ERC2: variants seen among roughly 807,000 people sequenced by gnomAD.
ERC2 encodes ELKS/RAB6-interacting/CAST family member 2, also known as ERC protein 2.
In ERC2, 42 loss-of-function variants were observed where a neutral mutation model predicts 114.8. The ratio of observed to expected loss-of-function variants is 0.37; its 90% CI spans 0.29 to 0.47. The LOEUF is 0.47. ERC2 is among the 20% of genes least tolerant of loss of function. The pLI, the probability that ERC2 is intolerant of heterozygous loss-of-function variation, is 0.99. For missense variants in ERC2, 939 were observed against 1,150.7 expected (o/e 0.82, Z 2.66); for synonymous variants, 454 against 425.5 (o/e 1.07, Z -0.82).
At chr3:55,732,670 T>C (rs1483886970) in intron 15 of ERC2, among the ~76,000 whole-genome samples, 3 of 152,158 alleles carry the variant, frequency 2.0e-5, no homozygotes, top group Admixed American at 6.5e-5. Flanking sequence ...AGGAGCAAAG[T>C]ATCTAAGAGA....
rs367854822 is a variant in ERC2, at chr3:56,025,836, A to C, written c.1642-6805T>G. On this transcript the variant is annotated intron_variant, in intron 7 of 17. Coordinates refer to ENST00000288221, the MANE Select transcript of ERC2 (RefSeq NM_015576.3). Reference sequence around the variant, plus strand: ...ACCATTCTAGAATTCTGCTTATTATACCCATATTTTTTCTTTGAAATAAAA... The same window carrying C: ...ACCATTCTAGAATTCTGCTTATTATCCCCATATTTTTTCTTTGAAATAAAA... Among the ~76,000 whole-genome samples, 18 of 152,222 alleles carry C rather than the reference A, an allele frequency of 1.2e-4. 1 individual carries two copies. The South Asian group carries it at 3.7e-3, about 32-fold the overall frequency.
At chr3:55,562,246 G>C (rs1477456358) in intron 17 of ERC2, among the ~76,000 whole-genome samples, 3 of 151,892 alleles carry the variant, frequency 2.0e-5, no homozygotes, top group Non-Finnish European at 4.4e-5. Flanking sequence ...CCACCTTCCT[G>C]GGTTCAAGCG....
chr3:55,864,083 T>C (rs1163644574), intron 14 of ERC2, among the ~76,000 whole-genome samples: 2 of 145,596 alleles, frequency 1.4e-5, no homozygotes, highest in Non-Finnish European at 3.0e-5. Flanking sequence ...GCAGAAGACA[T>C]AAATCAGCAG....
intron 13 of ERC2, among the ~76,000 whole-genome samples, chr3:55,921,609 CAA>C (rs2065435766): frequency 6.6e-6 from 1 of 151,936 alleles, no homozygotes. Context: ...TCATTATAGC[CAA>C]AGTTGGAAAA....
intron 14 of ERC2, among the ~76,000 whole-genome samples, chr3:55,832,527 A>G (rs1383484669): frequency 6.6e-6 from 1 of 152,256 alleles, no homozygotes; most frequent in Non-Finnish European, 1.5e-5. Flanking sequence ...GCAAACTCCA[A>G]CAGACCTGCA....
chr3:56,189,790 G>T (rs558027750), intron 3 of ERC2, among the ~76,000 whole-genome samples: 2 of 152,250 alleles, frequency 1.3e-5, no homozygotes, highest in East Asian at 3.9e-4. Flanking sequence ...AACACAACCC[G>T]CTGGCACTCT....
intron 2 of ERC2, among the ~76,000 whole-genome samples, chr3:56,392,453 G>A (rs191682818): frequency 1.6e-4 from 24 of 152,094 alleles, no homozygotes; most frequent in Admixed American, 1.3e-3. Flanking sequence ...GCATGTGCAC[G>A]GTGACTCAAA....
intron 17 of ERC2, among the ~76,000 whole-genome samples, chr3:55,588,728 G>A (rs2057719710): frequency 6.6e-6 from 1 of 152,088 alleles, no homozygotes; most frequent in African/African-American, 2.4e-5. Flanking sequence ...CAAAAGTGGG[G>A]CTCCCCCTTC....
chr3:56,385,169 T>C (rs919366188), intron 2 of ERC2, among the ~76,000 whole-genome samples: 2 of 152,144 alleles, frequency 1.3e-5, no homozygotes, highest in African/African-American at 4.8e-5. Flanking sequence ...ATAGAAAATT[T>C]ATTTCTTATA....
At chr3:56,166,872 T>A (rs1470802411) in intron 4 of ERC2, among the ~76,000 whole-genome samples, 1 of 152,034 alleles carries the variant, frequency 6.6e-6, no homozygotes, top group Non-Finnish European at 1.5e-5. Context: ...CTAGTATATG[T>A]TTACCCTCTA....
In ERC2 at chr3:55,755,299, G is replaced by A. The variant is rs550485483; in HGVS notation, c.2565-20381C>T. ...CCAGCATTCACGATGAGGAATGACC[G>A]AGAGGCACAGGTTGAGTAACTACCA... On this transcript the variant is annotated intron_variant, in intron 14 of 17. Coordinates refer to ENST00000288221, the MANE Select transcript of ERC2 (RefSeq NM_015576.3). Among the ~76,000 whole-genome samples the A allele has an allele frequency of 6.6e-5, 10 of 152,228 alleles. No homozygotes were observed. In the East Asian group the frequency reaches 1.2e-3, roughly 18 times the overall value.
intron 2 of ERC2, among the ~76,000 whole-genome samples, chr3:56,373,589 C>T (rs2059429569): frequency 6.6e-6 from 1 of 152,138 alleles, no homozygotes; most frequent in Admixed American, 6.5e-5. Flanking sequence ...CAGACAGCAG[C>T]ACATTGGTGT....
chr3:56,284,988 G>GTC (rs397873939), intron 3 of ERC2, among the ~76,000 whole-genome samples: 9,968 of 115,292 alleles, frequency 0.086, 465 homozygotes, highest in Middle Eastern at 0.14. Context: ...CAATCACTCT[G>GTC]TCTCTCTCTC....
intron 13 of ERC2, among the ~76,000 whole-genome samples, chr3:55,931,769 G>C (rs2066107455): frequency 6.6e-6 from 1 of 152,102 alleles, no homozygotes; most frequent in Non-Finnish European, 1.5e-5. Context: ...AAAAAAGAAA[G>C]GAGGAAGTGG....
At chr3:56,006,513 T>C (rs2072505844) in intron 10 of ERC2, among the ~76,000 whole-genome samples, 1 of 152,004 alleles carries the variant, frequency 6.6e-6, no homozygotes, top group African/African-American at 2.4e-5. Context: ...AGTGCAGACA[T>C]ACCAAACAAC....
At chr3:55,811,567 T>C (rs1398288734) in intron 14 of ERC2, among the ~76,000 whole-genome samples, 1 of 152,218 alleles carries the variant, frequency 6.6e-6, no homozygotes, top group East Asian at 1.9e-4. Flanking sequence ...GATGGAGTTC[T>C]GCCAAAACTG....
chr3:56,041,783 T>G (rs2149662540), intron 7 of ERC2, among the ~76,000 whole-genome samples: 1 of 152,268 alleles, frequency 6.6e-6, no homozygotes, highest in East Asian at 1.9e-4. Flanking sequence ...GCCAATCCAC[T>G]TTCTTCTTTA....
chr3:55,969,945 T>C (rs1228226018), intron 12 of ERC2, among the ~76,000 whole-genome samples: 2 of 152,172 alleles, frequency 1.3e-5, no homozygotes, highest in South Asian at 2.1e-4. Flanking sequence ...AGCTCAAATT[T>C]TGAAGTTCAG....
At chr3:56,046,793 T>C (rs1056409432) in intron 7 of ERC2, among the ~76,000 whole-genome samples, 1 of 152,218 alleles carries the variant, frequency 6.6e-6, no homozygotes, top group African/African-American at 2.4e-5. Flanking sequence ...ACCCTGGGGC[T>C]GGACAGATAA....
Sources: allele counts gnomAD v4.1 joint callset (sites outside exome capture counted in the v4.1 genomes callset), GRCh38; gene constraint gnomAD v4.1.1; transcripts MANE v1.5; gene names NCBI Gene and HGNC (gene_info 2026-07-23, HGNC 2026-07-21).